The following PKP4 variants were observed in gnomAD, a reference collection of about 807,000 sequenced individuals.
The protein encoded by PKP4 is plakophilin 4.
A neutral mutation model predicts 145.1 loss-of-function variants in PKP4; 90 were observed. That is an observed-to-expected ratio of 0.62 (90% CI 0.52 to 0.74). PKP4 has a LOEUF of 0.74. PKP4 is among the 30% of genes least tolerant of loss of function. PKP4 has a pLI of 0.00. For missense variants in PKP4, 1,340 were observed against 1,482.7 expected, an observed-to-expected ratio of 0.90 and a Z score of 1.58; for synonymous variants, 563 against 577.2, an observed-to-expected ratio of 0.98 and a Z score of 0.35.
At chr2:158,493,614 A>T (rs1695266452) in intron 1 of PKP4, among the ~76,000 whole-genome samples, 1 of 152,160 alleles carries the variant, frequency 6.6e-6, no homozygotes, top group Non-Finnish European at 1.5e-5. Flanking sequence ...CTCTTCCAAA[A>T]CTGAAGTCGG....
At chr2:158,623,582 C>T (rs529578152) in intron 6 of PKP4, among the ~76,000 whole-genome samples, 1 of 152,296 alleles carries the variant, frequency 6.6e-6, no homozygotes, top group South Asian at 2.1e-4. Context: ...TGTCTTCTCC[C>T]CTGCTATTGC....
At chr2:158,566,301 G>A (rs1163805571) in intron 2 of PKP4, among the ~76,000 whole-genome samples, 1 of 151,972 alleles carries the variant, frequency 6.6e-6, no homozygotes, top group African/African-American at 2.4e-5. Flanking sequence ...ATTTTTTACT[G>A]TGTTTTCATT....
At chr2:158,583,968 G>A (rs564969407) in intron 3 of PKP4, among the ~76,000 whole-genome samples, 47 of 152,208 alleles carry the variant, frequency 3.1e-4, no homozygotes, top group African/African-American at 8.9e-4. Flanking sequence ...GAAACAGGTC[G>A]TCTACAAATG....
intron 3 of PKP4, among the ~76,000 whole-genome samples, chr2:158,594,743 G>A (rs148315247): frequency 5.5e-4 from 84 of 152,190 alleles, no homozygotes; most frequent in African/African-American, 2.0e-3. Context: ...TTTGGAAGGG[G>A]TTTCAAAAAA....
intron 10 of PKP4, among the ~76,000 whole-genome samples, chr2:158,642,139 AGCCTTCC>A (rs1263949842): frequency 1.3e-5 from 2 of 152,170 alleles, no homozygotes; most frequent in African/African-American, 4.8e-5. Flanking sequence ...CTTGTGCCTC[AGCCTTCC>A]AAGTAGTTGG....
intron 2 of PKP4, among the ~76,000 whole-genome samples, chr2:158,568,471 G>C (rs1028467098): frequency 1.3e-5 from 2 of 152,218 alleles, no homozygotes; most frequent in African/African-American, 4.8e-5. Context: ...AACACAGTAG[G>C]TGGGGAAGTA....
chr2:158,473,512 A>G (rs1691940318), intron 1 of PKP4, among the ~76,000 whole-genome samples: 1 of 152,228 alleles, frequency 6.6e-6, no homozygotes, highest in Admixed American at 6.5e-5. Flanking sequence ...TTGCAAGAAC[A>G]TGGATGGAGC....
intron 2 of PKP4, among the ~76,000 whole-genome samples, chr2:158,549,893 G>A (rs921750737): frequency 5.9e-5 from 9 of 152,166 alleles, no homozygotes; most frequent in African/African-American, 2.2e-4. Flanking sequence ...CATTTAGGTT[G>A]TGAAAACTAC....
At chr2:158,650,659 C>A (rs1016894684) in intron 11 of PKP4, among the ~76,000 whole-genome samples, 1 of 152,146 alleles carries the variant, frequency 6.6e-6, no homozygotes, top group African/African-American at 2.4e-5. Context: ...ACAGCTCCCT[C>A]CTAGGAAGCA....
At chr2:158,621,888 C>G (rs1237270781) in intron 6 of PKP4, among the ~76,000 whole-genome samples, 1 of 151,750 alleles carries the variant, frequency 6.6e-6, no homozygotes, top group East Asian at 1.9e-4. Context: ...ATTTGAGATA[C>G]AATGTTAAAT....
At position 158,663,311 on chromosome 2, in the gene PKP4, C is replaced by G. The variant is rs780355665; in HGVS notation, c.2443C>G (p.Pro815Ala). 2 of 1,614,030 alleles carry G rather than the reference C, an allele frequency of 1.2e-6. No homozygotes were observed. The highest frequency in any genetic ancestry group is 1.7e-6 in the Non-Finnish European group (2 of 1,179,984). The change falls in exon 15 of 22, where the codon CCC (proline) becomes GCC (alanine). Residue 815 changes from proline (P) to alanine (A), a missense_variant. Physicochemically the swap from Pro to Ala is conservative, Grantham distance 27. Coordinates refer to ENST00000389759, the MANE Select transcript of PKP4 (RefSeq NM_003628.6). ...TCCTATCCCAGGACTGTCGAAGTCC[C>G]CCAAAGGGGTTGAGATGCTGTGGCA... ...VGPIPGLSKSPKGVEMLWHPS... is the reference protein window; with the variant it reads ...VGPIPGLSKSAKGVEMLWHPS...
At chr2:158,631,062 C>G (rs1386115305) in intron 7 of PKP4, among the ~76,000 whole-genome samples, 3 of 151,912 alleles carry the variant, frequency 2.0e-5, no homozygotes, top group African/African-American at 7.3e-5. Flanking sequence ...CTCAGCCTCC[C>G]GAGTAGCTGG....
At chr2:158,539,834 C>T (rs972991409) in intron 2 of PKP4, among the ~76,000 whole-genome samples, 1 of 152,154 alleles carries the variant, frequency 6.6e-6, no homozygotes, top group Admixed American at 6.5e-5. Flanking sequence ...ATTCTGAACT[C>T]TAAAATGGCT....
chr2:158,655,134 A>G (rs2055787604), intron 11 of PKP4, among the ~76,000 whole-genome samples: 1 of 152,242 alleles, frequency 6.6e-6, no homozygotes, highest in Non-Finnish European at 1.5e-5. Flanking sequence ...TGCCTGGCAC[A>G]GAGTAAAGCC....
chr2:158,492,202 C>T (rs2105467467), intron 1 of PKP4, among the ~76,000 whole-genome samples: 1 of 151,994 alleles, frequency 6.6e-6, no homozygotes, highest in South Asian at 2.1e-4. Context: ...AAAAAAAAAT[C>T]TAATGGCCTC....
At chr2:158,530,504 C>CT (rs869120223) in intron 1 of PKP4, among the ~76,000 whole-genome samples, 9,880 of 92,000 alleles carry the variant, frequency 0.11, 619 homozygotes, top group African/African-American at 0.17. Context: ...CTCTTTCTTT[C>CT]TTTTTTTTTT....
chr2:158,510,821 C>T (rs770449281), intron 1 of PKP4, among the ~76,000 whole-genome samples: 1 of 152,224 alleles, frequency 6.6e-6, no homozygotes, highest in African/African-American at 2.4e-5. Flanking sequence ...AGCAAGAATG[C>T]CCACTGTGCC....
intron 3 of PKP4, among the ~76,000 whole-genome samples, chr2:158,583,620 G>A (rs536902454): frequency 3.9e-5 from 6 of 151,974 alleles, no homozygotes; most frequent in Non-Finnish European, 7.4e-5. Flanking sequence ...GTTGTGTGAC[G>A]ACCACCACCA....
intron 17 of PKP4, among the ~76,000 whole-genome samples, chr2:158,673,161 A>G (rs965315986): frequency 3.9e-5 from 6 of 152,224 alleles, no homozygotes; most frequent in Non-Finnish European, 5.9e-5. Context: ...GGGAAATAAT[A>G]TCTGTGACCA....
Sources: gnomAD v4.1 joint callset for allele counts (sites outside exome capture counted in the v4.1 genomes callset) on GRCh38, gnomAD v4.1.1 for gene constraint, MANE v1.5 for transcripts, NCBI Gene and HGNC (gene_info 2026-07-23, HGNC 2026-07-21) for gene names.